Variants in SCAMP5 observed in about 807,000 individuals in gnomAD.
The protein encoded by SCAMP5 is secretory carrier membrane protein 5.
Under a neutral mutation model 28.3 loss-of-function variants are expected in SCAMP5, and 7 were observed. The observed-to-expected ratio is 0.25, with a 90% CI of 0.14 to 0.46. The LOEUF is 0.46. SCAMP5 is among the 20% of genes least tolerant of loss of function. SCAMP5 has a pLI of 0.99. For missense variants in SCAMP5, 192 were observed against 312.5 expected (o/e 0.61, Z 2.91); for synonymous variants, 117 against 116.4 (o/e 1.00, Z -0.03).
chr15:75,020,799 C>T lies in SCAMP5; in HGVS notation c.*1816C>T, dbSNP rs1389548820. The T allele has an allele frequency of 6.6e-6, 1 of 152,164 alleles. No homozygotes were observed. The highest frequency in any genetic ancestry group is 2.4e-5 in the African/African-American group (1 of 41,428). The allele number at this position is 152,164 out of a possible 1,614,324, so 9.4% of individuals were successfully genotyped here. On this transcript the variant is annotated 3_prime_UTR_variant, in exon 7 of 7. Coordinates refer to ENST00000425597, the MANE Select transcript of SCAMP5 (RefSeq NM_138967.4). ...CTGGCTTCAGCTTGGAACCCAATAC[C>T]TAGGCTTACAGGCCATCCTGAGCCA...
chr15:75,002,951 T>A (rs1161728447), intron 1 of SCAMP5, among the ~76,000 whole-genome samples: 1 of 152,164 alleles, frequency 6.6e-6, no homozygotes, highest in African/African-American at 2.4e-5. Flanking sequence ...TTTTTGGAGA[T>A]TGAGTCTGGC....
chr15:74,998,488 C>T (rs1379030309), intron 1 of SCAMP5, among the ~76,000 whole-genome samples: 1 of 151,956 alleles, frequency 6.6e-6, no homozygotes, highest in African/African-American at 2.4e-5. Flanking sequence ...CGCCTGTAAT[C>T]CCAGTTACTA....
chr15:75,020,200 C>T lies in SCAMP5; in HGVS notation c.*1217C>T, dbSNP rs2065894161. 1 of 152,420 alleles carries T rather than the reference C, an allele frequency of 6.6e-6. No homozygotes were observed. The allele number at this position is 152,420 out of a possible 1,614,324, so 9.4% of individuals were successfully genotyped here. ...GGTATCTCTCGGTGACCGTTGGATT[C>T]CTGGAAGCAGTAGCTGTTCTGTTTG... On this transcript the variant is annotated 3_prime_UTR_variant, in exon 7 of 7. Coordinates refer to ENST00000425597, the MANE Select transcript of SCAMP5 (RefSeq NM_138967.4).
At chr15:75,011,899 G>A in intron 2 of SCAMP5, 53 bp downstream of exon 2, 1 of 1,519,492 alleles carries the variant, frequency 6.6e-7, no homozygotes, top group Non-Finnish European at 9.1e-7. Context: ...GCATAGCGTG[G>A]ATGGCCCTCT....
At chr15:75,017,571 A>G (rs2141456446) in intron 4 of SCAMP5, 1 of 562,924 alleles carries the variant, frequency 1.8e-6, no homozygotes, top group Non-Finnish European at 3.1e-6. Flanking sequence ...CAATGAGACT[A>G]TTTATTCCTG....
At chr15:75,015,530 G>C (rs957502648) in intron 3 of SCAMP5, among the ~76,000 whole-genome samples, 4 of 152,062 alleles carry the variant, frequency 2.6e-5, no homozygotes, top group Non-Finnish European at 5.9e-5. Context: ...GGGGAACCTT[G>C]AGAGCAGCCC....
Position 75,019,115 on chromosome 15 carries a change from A to G in SCAMP5, c.*132A>G. The G allele has an allele frequency of 1.9e-6, 1 of 525,916 alleles. No individual in the cohort carries two copies. The highest frequency in any genetic ancestry group is 3.3e-6 in the Non-Finnish European group (1 of 303,118). 32.6% of individuals were successfully genotyped at this position (525,916 alleles called of 1,614,324 possible). A position where few individuals can be genotyped will look rare whatever the true frequency, so the allele number is the denominator to read the frequency against. Reference sequence around the variant, plus strand: ...TTCCCTACTTTGTACAAAGGACCAGAGTTATATATATATATATATGTATAT... The same window carrying G: ...TTCCCTACTTTGTACAAAGGACCAGGGTTATATATATATATATATGTATAT... On this transcript the variant is annotated 3_prime_UTR_variant, in exon 7 of 7. Transcript: ENST00000425597.
In SCAMP5 at chr15:75,018,465, C is replaced by CG. The variant is rs138727668; in HGVS notation, c.445dup (p.Val149GlyfsTer26). The CG allele has an allele frequency of 6.2e-7, 1 of 1,613,748 alleles. No individual in the cohort carries two copies. The highest frequency in any genetic ancestry group is 8.5e-7 in the Non-Finnish European group (1 of 1,179,710). On this transcript the variant is annotated frameshift_variant, in exon 6 of 7. Transcript: ENST00000425597. LOFTEE classifies it high-confidence loss of function. The surrounding 1 kb of genome is among the most constrained non-coding windows in gnomAD (Gnocchi z 5.6). ...TTCTTCGGAACGAACATTGGCTCGGCGGTGGTGATGCTAATTCCCACTGTC... is the reference window on the plus strand; with the variant it reads ...TTCTTCGGAACGAACATTGGCTCGGCGGGTGGTGATGCTAATTCCCACTGTC...
intron 1 of SCAMP5, among the ~76,000 whole-genome samples, chr15:75,008,421 T>C (rs1382032254): frequency 6.6e-6 from 1 of 151,958 alleles, no homozygotes; most frequent in African/African-American, 2.4e-5. Context: ...TGATTTACAC[T>C]TTTTGTGCTC....
intron 3 of SCAMP5, among the ~76,000 whole-genome samples, chr15:75,014,505 C>T (rs1295500273): frequency 6.6e-6 from 1 of 152,206 alleles, no homozygotes; most frequent in East Asian, 1.9e-4. Context: ...CTGGGCCACA[C>T]ACAAGGTTCA....
rs543526536 is a variant in SCAMP5, at chr15:75,001,214, C to T, written c.-49+5541C>T. Among the ~76,000 whole-genome samples the T allele has an allele frequency of 1.9e-3, 250 of 134,054 alleles. 2 individuals carry two copies. The highest frequency in any genetic ancestry group is 1.4e-3 in the East Asian group (6 of 4,406). The allele number at this position is 134,054 out of a possible 152,430, so 87.9% of individuals were successfully genotyped here. On this transcript the variant is annotated intron_variant, in intron 1 of 6. Transcript: ENST00000425597. Reference sequence around the variant, plus strand: ...GCGTGAACCCGGGAGGCGGAGCTTGCAAGTGAGCCGAGATCGCGTCACTGC... The same window carrying T: ...GCGTGAACCCGGGAGGCGGAGCTTGTAAGTGAGCCGAGATCGCGTCACTGC...
At chr15:75,002,734 G>C (rs1205888577) in intron 1 of SCAMP5, among the ~76,000 whole-genome samples, 1 of 149,518 alleles carries the variant, frequency 6.7e-6, no homozygotes, top group African/African-American at 2.5e-5. Context: ...ATCCTATTCT[G>C]CTTGCCTTTT....
chr15:75,001,779 A>T (rs186626571), intron 1 of SCAMP5, among the ~76,000 whole-genome samples: 184 of 147,616 alleles, frequency 1.2e-3, no homozygotes, highest in Admixed American at 4.1e-3. Flanking sequence ...CTGAGGCAGG[A>T]GAATCGCTTG....
intron 1 of SCAMP5, among the ~76,000 whole-genome samples, chr15:75,002,342 T>G (rs2065717596): frequency 6.6e-6 from 1 of 151,964 alleles, no homozygotes; most frequent in Non-Finnish European, 1.5e-5. Flanking sequence ...CTGTCTCTAC[T>G]GTAATTGCAA....
intron 1 of SCAMP5, among the ~76,000 whole-genome samples, chr15:75,005,555 T>C (rs913766866): frequency 6.6e-6 from 1 of 152,224 alleles, no homozygotes; most frequent in South Asian, 2.1e-4. Context: ...CCCCTGCCAA[T>C]TTCTGTCTTT....
rs1229339226 is a variant in SCAMP5, at chr15:74,995,586, C to T, written c.-136C>T. ...CTCCCCGCCCCCAGCCCCGGAGCGG[C>T]TCGCGGCCGGCTCCGCGCCGCATCG... On this transcript the variant is annotated 5_prime_UTR_variant, in exon 1 of 7. Coordinates refer to ENST00000425597, the MANE Select transcript of SCAMP5 (RefSeq NM_138967.4). 2 of 147,362 alleles carry T rather than the reference C, an allele frequency of 1.4e-5. No individual in the cohort carries two copies. Among genetic ancestry groups the T allele is most frequent in the Non-Finnish European group, 3.0e-5 (2 of 65,988 alleles). The allele number at this position is 147,362 out of a possible 1,614,324, so 9.1% of individuals were successfully genotyped here. A position where few individuals can be genotyped will look rare whatever the true frequency, so the allele number is the denominator to read the frequency against.
At position 75,019,146 on chromosome 15, in the gene SCAMP5, T is replaced by G; in HGVS notation, c.*163T>G. On this transcript the variant is annotated 3_prime_UTR_variant, in exon 7 of 7. Coordinates refer to ENST00000425597, the MANE Select transcript of SCAMP5 (RefSeq NM_138967.4). Reference sequence around the variant, plus strand: ...ATATATATATATATGTATATGTCTGTACCCCAGCCCCCACCTTTCAGATTC... The same window carrying G: ...ATATATATATATATGTATATGTCTGGACCCCAGCCCCCACCTTTCAGATTC... 1 of 430,376 alleles carries G rather than the reference T, an allele frequency of 2.3e-6. No homozygotes were observed. The highest frequency in any genetic ancestry group is 4.0e-6 in the Non-Finnish European group (1 of 248,742). The allele number at this position is 430,376 out of a possible 1,614,324, so 26.7% of individuals were successfully genotyped here.
At chr15:75,016,829 CTTTT>C (rs371189916) in intron 4 of SCAMP5, 80 bp downstream of exon 4, 2,135 of 975,684 alleles carry the variant, frequency 2.2e-3, no homozygotes, top group South Asian at 3.9e-3. Flanking sequence ...TTTCTCACTT[CTTTT>C]TTTTTTTTTT....
Position 75,018,394 on chromosome 15 carries a change from C to G in SCAMP5, c.396-24C>G. 6.6e-7 allele frequency: 1 copy of G among 1,505,018 alleles called. No individual in the cohort carries two copies. The highest frequency in any genetic ancestry group is 9.3e-7 in the Non-Finnish European group (1 of 1,080,674). 93.2% of individuals were successfully genotyped at this position (1,505,018 alleles called of 1,614,324 possible). ...TGGGCACCTCTTATCCTGCCCGCAG[C>G]CCCACACTGGCCTCTTCCTGCAGCG... On this transcript the variant is annotated intron_variant, in intron 5 of 6. Coordinates refer to ENST00000425597, the MANE Select transcript of SCAMP5 (RefSeq NM_138967.4). This position sits in a 1 kb window ranked among gnomAD's most constrained non-coding sequence, Gnocchi z 5.6.
Sources: allele counts gnomAD v4.1 joint callset (sites outside exome capture counted in the v4.1 genomes callset), GRCh38; gene constraint gnomAD v4.1.1; non-coding constraint Gnocchi (gnomAD v3.1); transcripts MANE v1.5; gene names NCBI Gene and HGNC (gene_info 2026-07-23, HGNC 2026-07-21).